FEM1A: variants seen among roughly 807,000 people sequenced by gnomAD.
FEM1A encodes fem-1 homolog A.
In FEM1A, 1 loss-of-function variant was observed where a neutral mutation model predicts 0.7. The ratio of observed to expected loss-of-function variants is 1.35; its 90% confidence interval spans 0.48 to 6.40. The LOEUF is 6.40. FEM1A is among the 30% of genes most tolerant of loss of function. The pLI is 0.14. For synonymous variants in FEM1A, 391 were observed against 420.6 expected (o/e 0.93, Z 0.86); for missense variants, 721 against 918.7 (o/e 0.78, Z 2.78).
In FEM1A at chr19:4,792,193, G is replaced by A. The variant is rs1252414732; in HGVS notation, c.339G>A (p.Thr113=). 8.8e-5 allele frequency: 133 copies of A among 1,503,670 alleles called. No homozygotes were observed. Among genetic ancestry groups the A allele is most frequent in the Non-Finnish European group, 1.1e-4 (129 of 1,128,164 alleles). The allele number at this position is 1,503,670 out of a possible 1,614,324, so 93.1% of individuals were successfully genotyped here. The change falls in exon 1 of 1, where the codon ACG becomes ACA. Residue 113 remains threonine (T), a synonymous_variant. Coordinates refer to ENST00000269856, the MANE Select transcript of FEM1A (RefSeq NM_018708.3). This position sits in a 1 kb window ranked among gnomAD's most constrained non-coding sequence, Gnocchi z 6.7. ...LRRGASVNRT[T]RTNSTPLRAA... is the part of the protein sequence containing the mutation. ...GCGGGGCCTCGGTGAACCGCACCAC[G>A]CGCACCAACTCCACGCCTCTCCGCG...
At position 4,793,132 on chromosome 19, in the gene FEM1A, T is replaced by TC; in HGVS notation, c.1279dup (p.Leu427ProfsTer154). 6.2e-7 allele frequency: 1 copy of TC among 1,613,528 alleles called. No individual in the cohort carries two copies. Among genetic ancestry groups the TC allele is most frequent in the Non-Finnish European group, 8.5e-7 (1 of 1,180,034 alleles). On this transcript the variant is annotated frameshift_variant, in exon 1 of 1. Coordinates refer to ENST00000269856, the MANE Select transcript of FEM1A (RefSeq NM_018708.3). LOFTEE classifies it low-confidence loss of function (END_TRUNC). The surrounding 1 kb of genome is among the most constrained non-coding windows in gnomAD (Gnocchi z 5.1). The stretch of plus-strand genomic sequence containing the variant: ...ACATGCAACAGAGCAACCTGGAGCC[T>TC]CTGAGCCCCATGACCGCCAGCAGCT...
Position 4,793,786 on chromosome 19 carries a change from C to G in FEM1A, c.1932C>G (p.Ala644=), listed in dbSNP as rs144426217. 16 of 1,611,304 alleles carry G rather than the reference C, an allele frequency of 9.9e-6. No homozygotes were observed. The African/African-American group carries it at 1.9e-4, about 19-fold the overall frequency. ...ACGTGACCCTGCAGTGCCTTGCGGC[C>G]CGGGCCCTGGATAAGAACAAGATCC... The part of the protein sequence containing the change: ...FNYVTLQCLA[A]RALDKNKIPY... Residue 644 remains alanine, a synonymous_variant, in exon 1 of 1, where the codon GCC becomes GCG. Transcript: ENST00000269856. The surrounding 1 kb of genome is among the most constrained non-coding windows in gnomAD (Gnocchi z 5.1).
rs888393759 is a variant in FEM1A at position 4,799,410 on chromosome 19, T to G, written c.*5546T>G. The G allele has an allele frequency of 6.4e-6, 1 of 156,622 alleles. No homozygotes were observed. Among genetic ancestry groups the G allele is most frequent in the Non-Finnish European group, 1.4e-5 (1 of 72,918 alleles). 9.7% of individuals were successfully genotyped at this position (156,622 alleles called of 1,614,324 possible). ...GCCTGGGCAACAGAGCAAGACTCTGTCTCAAAACAAAACAAAACAAACAAA... is the reference window on the plus strand; with the variant it reads ...GCCTGGGCAACAGAGCAAGACTCTGGCTCAAAACAAAACAAAACAAACAAA... On this transcript the variant is annotated 3_prime_UTR_variant, in exon 1 of 1. Transcript: ENST00000269856.
chr19:4,795,775 C>T lies in FEM1A; in HGVS notation c.*1911C>T, dbSNP rs1391643343. On this transcript the variant is annotated 3_prime_UTR_variant, in exon 1 of 1. Transcript: ENST00000269856. ...AGTGCAATGGCGCGATCTCAGCTCA[C>T]TGCAACCTCTGCCTCCTGGGTTCAA... The T allele has an allele frequency of 7.3e-5, 11 of 151,154 alleles. No individual in the cohort carries two copies. In the Admixed American group the frequency reaches 7.3e-4, roughly 10 times the overall value. 9.4% of individuals were successfully genotyped at this position (151,154 alleles called of 1,614,324 possible).
In FEM1A at chr19:4,793,976, G is replaced by T; in HGVS notation, c.*112G>T. 9.0e-7 allele frequency: 1 copy of T among 1,109,754 alleles called. No homozygotes were observed. The highest frequency in any genetic ancestry group is 1.3e-6 in the Non-Finnish European group (1 of 776,074). 68.7% of individuals were successfully genotyped at this position (1,109,754 alleles called of 1,614,324 possible). On this transcript the variant is annotated 3_prime_UTR_variant, in exon 1 of 1. Transcript: ENST00000269856. This position sits in a 1 kb window ranked among gnomAD's most constrained non-coding sequence, Gnocchi z 5.1. ...TGCCTCCTTCAGGCACCAATCAGGA[G>T]AAGGGTTCTGCCTCCCATCCCCTCT... is the stretch of plus-strand genomic sequence containing the variant.
At position 4,798,115 on chromosome 19, in the gene FEM1A, C is replaced by T. The variant is rs2093563726; in HGVS notation, c.*4251C>T. 6.9e-6 allele frequency: 1 copy of T among 145,100 alleles called. No homozygotes were observed. The highest frequency in any genetic ancestry group is 7.0e-5 in the Admixed American group (1 of 14,314). 9.0% of individuals were successfully genotyped at this position (145,100 alleles called of 1,614,324 possible). On this transcript the variant is annotated 3_prime_UTR_variant, in exon 1 of 1. Transcript: ENST00000269856. ...GGGTGTGGTGGCAGGTGCCTGTAGT[C>T]CCAGCTACTCCGGAGTCTGAGGCAG...
At position 4,798,078 on chromosome 19, in the gene FEM1A, C is replaced by CGAAA. The variant is rs2093563544; in HGVS notation, c.*4214_*4215insGAAA. The CGAAA allele has an allele frequency of 7.2e-6, 1 of 138,766 alleles. No individual in the cohort carries two copies. Among genetic ancestry groups the CGAAA allele is most frequent in the Admixed American group, 7.3e-5 (1 of 13,770 alleles). The allele number at this position is 138,766 out of a possible 1,614,324, so 8.6% of individuals were successfully genotyped here. On this transcript the variant is annotated 3_prime_UTR_variant, in exon 1 of 1. Coordinates refer to ENST00000269856, the MANE Select transcript of FEM1A (RefSeq NM_018708.3). Reference sequence around the variant, plus strand: ...TGAAACCCCGTCTCTACTAAAAATACAAAAATTAGCCGGGTGTGGTGGCAG... The same window carrying CGAAA: ...TGAAACCCCGTCTCTACTAAAAATACGAAAAAAAATTAGCCGGGTGTGGTGGCAG...
rs2093568083 is a variant in FEM1A, at chr19:4,801,233, T to C, written c.*7369T>C. 6.6e-6 allele frequency: 1 copy of C among 152,216 alleles called. No homozygotes were observed. The highest frequency in any genetic ancestry group is 2.4e-5 in the African/African-American group (1 of 41,458). 9.4% of individuals were successfully genotyped at this position (152,216 alleles called of 1,614,324 possible). ...TGTATTAATTTGAATTATTAACTTATTAATCATTTGATGTCGATTAAAGCA... is the reference window on the plus strand; with the variant it reads ...TGTATTAATTTGAATTATTAACTTACTAATCATTTGATGTCGATTAAAGCA... On this transcript the variant is annotated 3_prime_UTR_variant, in exon 1 of 1. Coordinates refer to ENST00000269856, the MANE Select transcript of FEM1A (RefSeq NM_018708.3).
rs1210172883 is a variant in FEM1A at position 4,792,101 on chromosome 19, G to A, written c.247G>A (p.Gly83Ser). ...GCACTTCGATGGCGAGACCATCGAG[G>A]GCGCGCCGCCGCTGTGGGCCGCCTC... is the stretch of plus-strand genomic sequence containing the variant. ...SVHFDGETIE[G>S]APPLWAASAA... The change falls in exon 1 of 1, where the codon GGC becomes AGC. Residue 83 changes from glycine to serine, a missense_variant. By Grantham distance (56) the Gly-to-Ser change is moderately conservative. Transcript: ENST00000269856. This position sits in a 1 kb window ranked among gnomAD's most constrained non-coding sequence, Gnocchi z 6.7. 9.8e-6 allele frequency: 15 copies of A among 1,524,244 alleles called. No individual in the cohort carries two copies. Among genetic ancestry groups the A allele is most frequent in the Non-Finnish European group, 1.1e-5 (13 of 1,142,292 alleles). The allele number at this position is 1,524,244 out of a possible 1,614,324, so 94.4% of individuals were successfully genotyped here.
Position 4,793,676 on chromosome 19 carries a change from G to C in FEM1A, c.1822G>C (p.Asp608His). 6.2e-7 allele frequency: 1 copy of C among 1,613,054 alleles called. No homozygotes were observed. The highest frequency in any genetic ancestry group is 1.1e-5 in the South Asian group (1 of 91,042). ...NALIEAGAHM[D>H]ATNAFKKTAY... The stretch of plus-strand genomic sequence containing the variant: ...CCTGATCGAAGCAGGGGCCCACATG[G>C]ACGCCACCAATGCCTTCAAGAAGAC... Residue 608 changes from aspartate to histidine, a missense_variant, in exon 1 of 1, where the codon GAC becomes CAC. Asp to His is a moderately conservative substitution (Grantham distance 81, BLOSUM62 -1). Transcript: ENST00000269856. The surrounding 1 kb of genome is among the most constrained non-coding windows in gnomAD (Gnocchi z 5.1).
rs373487955 is a variant in FEM1A, at chr19:4,792,958, T to C, written c.1104T>C (p.Asp368=). 94 of 1,612,488 alleles carry C rather than the reference T, an allele frequency of 5.8e-5. No homozygotes were observed. The highest frequency in any genetic ancestry group is 7.5e-5 in the Non-Finnish European group (89 of 1,179,876). Residue 368 remains aspartate, a synonymous_variant, in exon 1 of 1, where the codon GAT becomes GAC. Coordinates refer to ENST00000269856, the MANE Select transcript of FEM1A (RefSeq NM_018708.3). The surrounding 1 kb of genome is among the most constrained non-coding windows in gnomAD (Gnocchi z 6.7). ...EELEALITDP[D]EMRMQALLIR... is the part of the protein sequence containing the mutation. ...TGGAGGCGCTGATCACCGACCCGGA[T>C]GAGATGCGCATGCAGGCCCTGTTGA...
rs116040158 is a variant in FEM1A, at chr19:4,794,668, G to A, written c.*804G>A. On this transcript the variant is annotated 3_prime_UTR_variant, in exon 1 of 1. Coordinates refer to ENST00000269856, the MANE Select transcript of FEM1A (RefSeq NM_018708.3). ...TATGTGTGAGGAATTTGGTGAGCGA[G>A]ATAAAAGTCCACGGTGTCAACCCCT... 2 of 166,924 alleles carry A rather than the reference G, an allele frequency of 1.2e-5. No homozygotes were observed. Among genetic ancestry groups the A allele is most frequent in the Non-Finnish European group, 2.9e-5 (2 of 68,106 alleles). The allele number at this position is 166,924 out of a possible 1,614,324, so 10.3% of individuals were successfully genotyped here.
Position 4,800,617 on chromosome 19 carries a change from A to G in FEM1A, c.*6753A>G, listed in dbSNP as rs1277201288. ...CTGTAAATATGGGCTGAGCAAGCGA[A>G]CAGTGAACGAGTTGGGAATTCACAT... On this transcript the variant is annotated 3_prime_UTR_variant, in exon 1 of 1. Transcript: ENST00000269856. 6.6e-6 allele frequency: 1 copy of G among 152,358 alleles called. No individual in the cohort carries two copies. Among genetic ancestry groups the G allele is most frequent in the Non-Finnish European group, 1.5e-5 (1 of 68,154 alleles). 9.4% of individuals were successfully genotyped at this position (152,358 alleles called of 1,614,324 possible). A position where few individuals can be genotyped will look rare whatever the true frequency, so the allele number is the denominator to read the frequency against.
Position 4,792,675 on chromosome 19 carries a change from G to T in FEM1A, c.821G>T (p.Ser274Ile), listed in dbSNP as rs1555728294. Residue 274 changes from serine to isoleucine, a missense_variant, in exon 1 of 1, where the codon AGC becomes ATC. By Grantham distance (142) the Ser-to-Ile change is moderately radical. This residue lies in a region of FEM1A where 137 missense variants were observed against 121.7 expected (regional missense o/e 1.13). Transcript: ENST00000269856. The surrounding 1 kb of genome is among the most constrained non-coding windows in gnomAD (Gnocchi z 6.7). The stretch of plus-strand genomic sequence containing the variant: ...CAGCCTCAGGGGGCTCCGTGCTGCA[G>T]CTCCTCCCCAGAGGAACCACTGAAC... ...CAQPQGAPCC[S>I]SSPEEPLNGE... 2 of 1,612,150 alleles carry T rather than the reference G, an allele frequency of 1.2e-6. No homozygotes were observed. The highest frequency in any genetic ancestry group is 4.5e-5 in the East Asian group (2 of 44,876).
At position 4,792,097 on chromosome 19, in the gene FEM1A, C is replaced by G; in HGVS notation, c.243C>G (p.Ile81Met). Residue 81 changes from isoleucine to methionine, a missense_variant, in exon 1 of 1, where the codon ATC becomes ATG. Ile to Met is a conservative substitution (Grantham distance 10). Around this residue, in one of 4 missense-constraint regions of FEM1A, gnomAD observed 195 missense variants for 316.9 expected, o/e 0.62. Coordinates refer to ENST00000269856, the MANE Select transcript of FEM1A (RefSeq NM_018708.3). This position sits in a 1 kb window ranked among gnomAD's most constrained non-coding sequence, Gnocchi z 6.7. ...GGSVHFDGET[I>M]EGAPPLWAAS... Reference sequence around the variant, plus strand: ...CGGTGCACTTCGATGGCGAGACCATCGAGGGCGCGCCGCCGCTGTGGGCCG... The same window carrying G: ...CGGTGCACTTCGATGGCGAGACCATGGAGGGCGCGCCGCCGCTGTGGGCCG... 6.6e-7 allele frequency: 1 copy of G among 1,524,776 alleles called. No homozygotes were observed. Among genetic ancestry groups the G allele is most frequent in the Non-Finnish European group, 8.8e-7 (1 of 1,142,504 alleles). The allele number at this position is 1,524,776 out of a possible 1,614,324, so 94.5% of individuals were successfully genotyped here.
In FEM1A at chr19:4,792,722, T is replaced by C. The variant is rs771762992; in HGVS notation, c.868T>C (p.Cys290Arg). ...GAACGGGGAATCTTACGAAAGCTGC[T>C]GTCCCACCAGCCGGGAAGCTGCCGT... ...PLNGESYESC[C>R]PTSREAAVEA... Residue 290 changes from cysteine to arginine, a missense_variant, in exon 1 of 1, where the codon TGT (cysteine) becomes CGT (arginine). By Grantham distance (180) the Cys-to-Arg change is radical (BLOSUM62 -3). Transcript: ENST00000269856. The surrounding 1 kb of genome is among the most constrained non-coding windows in gnomAD (Gnocchi z 6.7). 5.0e-6 allele frequency: 8 copies of C among 1,611,962 alleles called. No individual in the cohort carries two copies. The East Asian group carries it at 1.1e-4, about 22-fold the overall frequency.
In FEM1A at chr19:4,792,745, C is replaced by G. The variant is rs370029140; in HGVS notation, c.891C>G (p.Ala297=). 11 of 1,611,970 alleles carry G rather than the reference C, an allele frequency of 6.8e-6. No individual in the cohort carries two copies. Among genetic ancestry groups the G allele is most frequent in the Admixed American group, 5.0e-5 (3 of 59,990 alleles). Residue 297 remains alanine, a synonymous_variant, in exon 1 of 1, where the codon GCC becomes GCG. Coordinates refer to ENST00000269856, the MANE Select transcript of FEM1A (RefSeq NM_018708.3). This position sits in a 1 kb window ranked among gnomAD's most constrained non-coding sequence, Gnocchi z 6.7. ...ESCCPTSREA[A]VEALELLGAT... is the part of the protein sequence containing the mutation. Reference sequence around the variant, plus strand: ...GCTGTCCCACCAGCCGGGAAGCTGCCGTGGAAGCCTTGGAATTGCTGGGAG... The same window carrying G: ...GCTGTCCCACCAGCCGGGAAGCTGCGGTGGAAGCCTTGGAATTGCTGGGAG...
In FEM1A at chr19:4,800,319, G is replaced by A. The variant is rs1038308345; in HGVS notation, c.*6455G>A. 2 of 152,242 alleles carry A rather than the reference G, an allele frequency of 1.3e-5. No homozygotes were observed. Among genetic ancestry groups the A allele is most frequent in the Non-Finnish European group, 2.9e-5 (2 of 68,096 alleles). The allele number at this position is 152,242 out of a possible 1,614,324, so 9.4% of individuals were successfully genotyped here. On this transcript the variant is annotated 3_prime_UTR_variant, in exon 1 of 1. Transcript: ENST00000269856. ...AAGCTTACCCAGCCCGGAAGCATCG[G>A]GGTCAAAGCTTAACCCCCTGCTGGA... is the stretch of plus-strand genomic sequence containing the variant.
chr19:4,792,598 G>C lies in FEM1A; in HGVS notation c.744G>C (p.Glu248Asp), dbSNP rs1395488119. The change falls in exon 1 of 1, where the codon GAG becomes GAC. Residue 248 changes from glutamate (E) to aspartate (D), a missense_variant. Around this residue, in one of 4 missense-constraint regions of FEM1A, gnomAD observed 137 missense variants for 121.7 expected, o/e 1.13. Transcript: ENST00000269856. This position sits in a 1 kb window ranked among gnomAD's most constrained non-coding sequence, Gnocchi z 6.7. ...GCCAGGAGCAGGTCGCAGGGGGAGA[G>C]GCTCAGCCTGGGCTGCCCCAAGAAG... ...QPGQEQVAGG[E>D]AQPGLPQEDP... 6.2e-7 allele frequency: 1 copy of C among 1,610,684 alleles called. No individual in the cohort carries two copies. The highest frequency in any genetic ancestry group is 8.5e-7 in the Non-Finnish European group (1 of 1,179,700).
Sources: gnomAD v4.1 joint callset for allele counts on GRCh38, gnomAD v4.1.1 for gene constraint, gnomAD v4.1.1 regional missense constraint, Gnocchi (gnomAD v3.1) non-coding constraint, MANE v1.5 for transcripts, NCBI Gene and HGNC (gene_info 2026-07-23, HGNC 2026-07-21) for gene names.